Variants in SDCCAG8 observed in about 807,000 individuals in gnomAD.
The protein encoded by SDCCAG8 is serologically defined colon cancer antigen 8.
Under a neutral mutation model 101.8 loss-of-function variants are expected in SDCCAG8, and 74 were observed. The ratio of observed to expected loss-of-function variants is 0.73; its 90% confidence interval spans 0.60 to 0.88. The LOEUF (loss-of-function observed/expected upper bound fraction) is 0.88. SDCCAG8 is among the 40% of genes least tolerant of loss of function. The pLI is 0.00. For synonymous variants in SDCCAG8, 281 were observed against 292.9 expected (o/e 0.96, Z 0.41); for missense variants, 787 against 822.6 (o/e 0.96, Z 0.53).
intron 13 of SDCCAG8, among the ~76,000 whole-genome samples, chr1:243,402,583 C>T (rs577826841): frequency 4.6e-5 from 7 of 152,172 alleles, no homozygotes; most frequent in South Asian, 2.1e-4. Flanking sequence ...TTTGCACTTA[C>T]AGCATGTCTT....
chr1:243,261,399 AG>A (rs2067182779), intron 1 of SDCCAG8, among the ~76,000 whole-genome samples: 1 of 152,248 alleles, frequency 6.6e-6, no homozygotes, highest in South Asian at 2.1e-4. Context: ...GTACACAGAA[AG>A]TGAGAGGATG....
intron 16 of SDCCAG8, among the ~76,000 whole-genome samples, chr1:243,483,254 G>A (rs2148236348): frequency 6.6e-6 from 1 of 152,174 alleles, no homozygotes; most frequent in East Asian, 1.9e-4. Context: ...CCTGGGCTGG[G>A]CGGCGTGTCC....
At chr1:243,431,793 C>T (rs1574006890) in intron 16 of SDCCAG8, among the ~76,000 whole-genome samples, 1 of 152,128 alleles carries the variant, frequency 6.6e-6, no homozygotes, top group African/African-American at 2.4e-5. Context: ...CACCTGTGTC[C>T]TCTCATCTGG....
chr1:243,419,310 AT>A (rs1320961225), intron 15 of SDCCAG8, among the ~76,000 whole-genome samples: 2 of 152,140 alleles, frequency 1.3e-5, no homozygotes, highest in African/African-American at 4.8e-5. Flanking sequence ...AAACCAAATG[AT>A]TTTGTCATGA....
Position 243,379,336 on chromosome 1 carries a change from G to A in SDCCAG8, c.1616+473G>A, listed in dbSNP as rs529017566. 9.8e-4 allele frequency among the ~76,000 whole-genome samples: 150 copies of A among 152,298 alleles called. 1 individual carries two copies. Among genetic ancestry groups the A allele is most frequent in the African/African-American group, 3.4e-3 (143 of 41,570 alleles). On this transcript the variant is annotated intron_variant, in intron 13 of 17. Coordinates refer to ENST00000366541, the MANE Select transcript of SDCCAG8 (RefSeq NM_006642.5). ...GCATCCTAAGGAGGTGTAAAATTTT[G>A]AGATGAAATAGATTGGCACTGCTCA...
chr1:243,266,477 C>G (rs2067597088), intron 1 of SDCCAG8, among the ~76,000 whole-genome samples: 1 of 151,976 alleles, frequency 6.6e-6, no homozygotes, highest in African/African-American at 2.4e-5. Context: ...ACACCACAAC[C>G]TGCCAACCTT....
intron 16 of SDCCAG8, among the ~76,000 whole-genome samples, chr1:243,463,819 A>C (rs1659605337): frequency 6.6e-6 from 1 of 151,970 alleles, no homozygotes; most frequent in Non-Finnish European, 1.5e-5. Flanking sequence ...TTCGATAGGG[A>C]GGGTAATGAG....
chr1:243,392,604 A>G (rs1349000274), intron 13 of SDCCAG8, among the ~76,000 whole-genome samples: 1 of 152,252 alleles, frequency 6.6e-6, no homozygotes, highest in Non-Finnish European at 1.5e-5. Flanking sequence ...AAATCCATCT[A>G]CAGTGAAAAT....
At chr1:243,277,668 A>AT (rs1240031539) in intron 4 of SDCCAG8, among the ~76,000 whole-genome samples, 2 of 152,154 alleles carry the variant, frequency 1.3e-5, no homozygotes, top group South Asian at 2.1e-4. Flanking sequence ...TAACTTACCA[A>AT]TTTTTTTCTT....
intron 13 of SDCCAG8, among the ~76,000 whole-genome samples, chr1:243,382,802 C>T (rs1487905101): frequency 3.3e-5 from 5 of 152,082 alleles, no homozygotes; most frequent in Non-Finnish European, 7.4e-5. Context: ...CTGTGGCTGT[C>T]CCGTGAAGTG....
At chr1:243,400,467 C>G (rs2079309346) in intron 13 of SDCCAG8, among the ~76,000 whole-genome samples, 1 of 152,182 alleles carries the variant, frequency 6.6e-6, no homozygotes, top group Non-Finnish European at 1.5e-5. Context: ...TTAGAACACA[C>G]ACAGTTCATG....
At chr1:243,397,512 G>A (rs2079098871) in intron 13 of SDCCAG8, among the ~76,000 whole-genome samples, 1 of 152,184 alleles carries the variant, frequency 6.6e-6, no homozygotes, top group African/African-American at 2.4e-5. Flanking sequence ...TTTATCTTGT[G>A]ATGCCTCAGT....
chr1:243,334,581 GTTGTTTGT>G lies in SDCCAG8; in HGVS notation c.1221+3906_1221+3913del, dbSNP rs547764532. Among the ~76,000 whole-genome samples, 224 of 152,054 alleles carry G rather than the reference GTTGTTTGT, an allele frequency of 1.5e-3. 1 individual carries two copies. Among genetic ancestry groups the G allele is most frequent in the African/African-American group, 5.1e-3 (212 of 41,452 alleles). ...TGCCCTCTTTAACTGATTCTTCAGA[GTTGTTTGT>G]TTGTTTGTTTGTTTGTATTTGAGAC... On this transcript the variant is annotated intron_variant, in intron 10 of 17. Transcript: ENST00000366541.
At chr1:243,435,915 A>C (rs975655468) in intron 16 of SDCCAG8, among the ~76,000 whole-genome samples, 1 of 152,130 alleles carries the variant, frequency 6.6e-6, no homozygotes, top group African/African-American at 2.4e-5. Flanking sequence ...GTTCACAGCA[A>C]AATTGAAAGG....
At chr1:243,341,348 C>T (rs1307785551) in intron 11 of SDCCAG8, among the ~76,000 whole-genome samples, 175 bp downstream of exon 11, 1 of 152,226 alleles carries the variant, frequency 6.6e-6, no homozygotes, top group African/African-American at 2.4e-5. Context: ...CATTCAGTTA[C>T]TACATGCAGC....
At chr1:243,439,387 G>A (rs1269698431) in intron 16 of SDCCAG8, among the ~76,000 whole-genome samples, 1 of 152,028 alleles carries the variant, frequency 6.6e-6, no homozygotes, top group Non-Finnish European at 1.5e-5. Flanking sequence ...ACTTTGGGAG[G>A]CCAAGGCAGG....
chr1:243,378,452 AGAAT>A (rs2077731521), intron 12 of SDCCAG8, among the ~76,000 whole-genome samples: 3 of 152,160 alleles, frequency 2.0e-5, no homozygotes, highest in African/African-American at 4.8e-5. Flanking sequence ...AACGACTCTT[AGAAT>A]GAAAGTGCAA....
intron 13 of SDCCAG8, among the ~76,000 whole-genome samples, chr1:243,411,745 A>G (rs966451922): frequency 2.0e-5 from 3 of 152,196 alleles, no homozygotes; most frequent in African/African-American, 2.4e-5. Context: ...GGTTCAGCCA[A>G]GTGCTGTATG....
At position 243,415,568 on chromosome 1, in the gene SDCCAG8, G is replaced by A. The variant is rs1253522879; in HGVS notation, c.1617-134G>A. On this transcript the variant is annotated intron_variant, in intron 13 of 17. Coordinates refer to ENST00000366541, the MANE Select transcript of SDCCAG8 (RefSeq NM_006642.5). ...GATCTTCCCCCTAAAGTGGGGGAGG[G>A]TCATTAGAAAGGTCCTTGTCTTCTT... 4 of 1,213,150 alleles carry A rather than the reference G, an allele frequency of 3.3e-6. No individual in the cohort carries two copies. In the South Asian group the frequency reaches 3.7e-5, roughly 11 times the overall value. 75.1% of individuals were successfully genotyped at this position (1,213,150 alleles called of 1,614,324 possible). A position where few individuals can be genotyped will look rare whatever the true frequency, so the allele number is the denominator to read the frequency against.
Sources: allele counts gnomAD v4.1 joint callset (sites outside exome capture counted in the v4.1 genomes callset), GRCh38; gene constraint gnomAD v4.1.1; transcripts MANE v1.5; gene names NCBI Gene and HGNC (gene_info 2026-07-23, HGNC 2026-07-21).